The following TENM4 variants were observed in gnomAD, a reference collection of about 807,000 sequenced individuals.
The protein encoded by TENM4 is teneurin transmembrane protein 4.
TENM4 carries 82 observed loss-of-function variants against 243.3 expected under a neutral mutation model. The observed-to-expected ratio is 0.34, with a 90% confidence interval of 0.28 to 0.40. The LOEUF is 0.40. Ranked by LOEUF, TENM4 falls within the 10% of genes least tolerant of loss-of-function variation. TENM4 has a pLI of 1.00. For synonymous variants in TENM4, 1,412 were observed against 1,456.3 expected (o/e 0.97, Z 0.69); for missense variants, 3,138 against 3,673.3 (o/e 0.85, Z 3.77).
chr11:78,753,217 A>G (rs1856230435), intron 19 of TENM4, among the ~76,000 whole-genome samples: 1 of 152,176 alleles, frequency 6.6e-6, no homozygotes, highest in Non-Finnish European at 1.5e-5. Context: ...ATCACCTAAT[A>G]TGTACCAAGC....
At position 79,379,943 on chromosome 11, in the gene TENM4, A is replaced by G. The variant is rs79682622; in HGVS notation, c.-321+60566T>C. 3.9e-5 allele frequency among the ~76,000 whole-genome samples: 6 copies of G among 152,074 alleles called. No individual in the cohort carries two copies. The South Asian group carries it at 1.0e-3, about 26-fold the overall frequency. On this transcript the variant is annotated intron_variant, in intron 1 of 33. Coordinates refer to ENST00000278550, the MANE Select transcript of TENM4 (RefSeq NM_001098816.3). ...GCTTGTCAGGGGCTGGGGGATCAAG[A>G]GCTCTGCTTTAGACATGTTGAGTTC...
chr11:79,345,862 C>CCT (rs1290286615), intron 1 of TENM4, among the ~76,000 whole-genome samples: 15 of 152,170 alleles, frequency 9.9e-5, no homozygotes, highest in Non-Finnish European at 2.2e-4. Flanking sequence ...TCCAAGTGAA[C>CCT]AGTTTTTGAG....
At chr11:79,075,234 G>A (rs191649782) in intron 4 of TENM4, among the ~76,000 whole-genome samples, 4 of 152,286 alleles carry the variant, frequency 2.6e-5, no homozygotes, top group South Asian at 4.2e-4. Flanking sequence ...AAGAGCCTGC[G>A]GCTTAGAGAA....
At chr11:78,911,314 G>A (rs1254539814) in intron 6 of TENM4, among the ~76,000 whole-genome samples, 4 of 152,164 alleles carry the variant, frequency 2.6e-5, no homozygotes, top group Admixed American at 1.3e-4. Flanking sequence ...AACAGCTACT[G>A]TAAGACTTTA....
chr11:78,960,086 T>C (rs1857285530), intron 6 of TENM4, among the ~76,000 whole-genome samples: 1 of 151,942 alleles, frequency 6.6e-6, no homozygotes, highest in Non-Finnish European at 1.5e-5. Flanking sequence ...AGAAAGACAG[T>C]GATTTGCCAA....
At chr11:79,278,938 C>G (rs909680548) in intron 2 of TENM4, among the ~76,000 whole-genome samples, 3 of 152,328 alleles carry the variant, frequency 2.0e-5, no homozygotes, top group East Asian at 3.9e-4. Context: ...GGCACGGCCA[C>G]GTGTCCAGAC....
chr11:79,205,233 G>A (rs1341909987), intron 3 of TENM4, among the ~76,000 whole-genome samples: 7 of 152,120 alleles, frequency 4.6e-5, no homozygotes, highest in African/African-American at 1.7e-4. Context: ...ACTCTGCCCA[G>A]CTTCCCCAAT....
intron 7 of TENM4, among the ~76,000 whole-genome samples, chr11:78,902,111 T>TACTTTAG (rs1162545861): frequency 1.3e-5 from 2 of 152,206 alleles, no homozygotes; most frequent in Non-Finnish European, 2.9e-5. Context: ...CGTTTCCCAC[T>TACTTTAG]ACTTTAGGAA....
rs916216669 is a variant in TENM4 at position 78,676,134 on chromosome 11, T to G, written c.5496+18A>C. ...TCTTTCCCCCCAGGACGCAGCCACC[T>G]CCAGAGGCCTCGCTCACCCGCAGCC... On this transcript the variant is annotated intron_variant, in intron 30 of 33. Coordinates refer to ENST00000278550, the MANE Select transcript of TENM4 (RefSeq NM_001098816.3). 4.0e-6 allele frequency: 6 copies of G among 1,487,120 alleles called. No homozygotes were observed. The African/African-American group carries it at 6.9e-5, about 17-fold the overall frequency. 92.1% of individuals were successfully genotyped at this position (1,487,120 alleles called of 1,614,324 possible).
chr11:78,939,928 A>G (rs1271882150), intron 6 of TENM4, among the ~76,000 whole-genome samples: 1 of 152,168 alleles, frequency 6.6e-6, no homozygotes, highest in East Asian at 1.9e-4. Context: ...GAAATAAATT[A>G]ATTTGTAAGA....
chr11:79,344,310 G>A (rs370479133), intron 1 of TENM4, among the ~76,000 whole-genome samples: 1 of 152,144 alleles, frequency 6.6e-6, no homozygotes, highest in Non-Finnish European at 1.5e-5. Context: ...AGAGGCTGAG[G>A]GAAGATACGT....
At chr11:78,980,815 G>A (rs1234142029) in intron 6 of TENM4, among the ~76,000 whole-genome samples, 1 of 152,164 alleles carries the variant, frequency 6.6e-6, no homozygotes, top group Non-Finnish European at 1.5e-5. Context: ...AGTGTTTGCT[G>A]TCATTGATTT....
chr11:79,001,485 C>CA lies in TENM4; in HGVS notation c.493+63252dup, dbSNP rs397713897. Among the ~76,000 whole-genome samples, 5 of 148,468 alleles carry CA rather than the reference C, an allele frequency of 3.4e-5. No homozygotes were observed. The South Asian group carries it at 6.3e-4, about 19-fold the overall frequency. On this transcript the variant is annotated intron_variant, in intron 6 of 33. Coordinates refer to ENST00000278550, the MANE Select transcript of TENM4 (RefSeq NM_001098816.3). Reference sequence around the variant, plus strand: ...AATCCTGGCAGCAGGAGACCCCCCCCAAATCCCATGAACACTTGAGCTGTC... The same window carrying CA: ...AATCCTGGCAGCAGGAGACCCCCCCCAAAATCCCATGAACACTTGAGCTGTC...
At chr11:79,066,940 C>A (rs116644441) in intron 5 of TENM4, among the ~76,000 whole-genome samples, 1,578 of 152,314 alleles carry the variant, frequency 0.01, 18 homozygotes, top group African/African-American at 0.02. Context: ...GCTGGGACAG[C>A]CTTGATGCCA....
At chr11:78,720,662 T>C (rs1170215999) in intron 24 of TENM4, among the ~76,000 whole-genome samples, 1 of 152,178 alleles carries the variant, frequency 6.6e-6, no homozygotes, top group Non-Finnish European at 1.5e-5. Flanking sequence ...GGTTGACACA[T>C]TCTGCTGCTT....
intron 28 of TENM4, among the ~76,000 whole-genome samples, chr11:78,689,570 G>C (rs1858768480): frequency 6.6e-6 from 1 of 152,076 alleles, no homozygotes; most frequent in Admixed American, 6.5e-5. Flanking sequence ...AAAGGTCAGA[G>C]AGTTCAGCTC....
chr11:79,185,372 A>C (rs1190511849), intron 3 of TENM4, among the ~76,000 whole-genome samples: 1 of 152,154 alleles, frequency 6.6e-6, no homozygotes, highest in African/African-American at 2.4e-5. Context: ...AAAACCCACA[A>C]ATGTTTAAAA....
intron 3 of TENM4, among the ~76,000 whole-genome samples, chr11:79,200,050 T>G (rs1423064370): frequency 6.6e-6 from 1 of 152,192 alleles, no homozygotes; most frequent in Non-Finnish European, 1.5e-5. Context: ...GAGATCCAGC[T>G]CAGGACCTGC....
intron 2 of TENM4, among the ~76,000 whole-genome samples, chr11:79,231,782 A>G (rs1590812873): frequency 6.6e-6 from 1 of 152,214 alleles, no homozygotes; most frequent in African/African-American, 2.4e-5. Flanking sequence ...TGTGAAAATG[A>G]ATACTCCAAG....
Sources: gnomAD v4.1 joint callset for allele counts (sites outside exome capture counted in the v4.1 genomes callset) on GRCh38, gnomAD v4.1.1 for gene constraint, MANE v1.5 for transcripts, NCBI Gene and HGNC (gene_info 2026-07-23, HGNC 2026-07-21) for gene names.